Variants in SGMS2 observed in about 807,000 individuals in gnomAD.
SGMS2 encodes sphingomyelin synthase 2, also known as phosphatidylcholine:ceramide cholinephosphotransferase 2.
A neutral mutation model predicts 43.8 loss-of-function variants in SGMS2; 21 were observed. The observed-to-expected ratio is 0.48, with a 90% CI of 0.34 to 0.69. The LOEUF is 0.69. Among genes scored for constraint, SGMS2 ranks in the 30% least tolerant of loss-of-function variants. The pLI is 0.01. For missense variants in SGMS2, 384 were observed against 443.2 expected (o/e 0.87, Z 1.20); for synonymous variants, 167 against 160.6 (o/e 1.04, Z -0.30).
chr4:107,875,881 C>G (rs1160101234), intron 2 of SGMS2, among the ~76,000 whole-genome samples: 1 of 152,118 alleles, frequency 6.6e-6, no homozygotes, highest in East Asian at 1.9e-4. Context: ...AGACCCTGCT[C>G]TACCTTGAAG....
At chr4:107,877,143 A>G (rs184174419) in intron 2 of SGMS2, among the ~76,000 whole-genome samples, 5 of 152,246 alleles carry the variant, frequency 3.3e-5, no homozygotes, top group Admixed American at 6.5e-5. Flanking sequence ...TCTAAAAAAA[A>G]AAAATTATTT....
At chr4:107,902,083 T>C (rs886539927) in intron 4 of SGMS2, among the ~76,000 whole-genome samples, 3 of 150,166 alleles carry the variant, frequency 2.0e-5, no homozygotes, top group Non-Finnish European at 3.0e-5. Flanking sequence ...ATTTTGTTTT[T>C]TCCTTTTTTT....
chr4:107,896,063 G>A, intron 3 of SGMS2, 55 bp downstream of exon 3: 1 of 1,487,350 alleles, frequency 6.7e-7, no homozygotes, highest in Non-Finnish European at 9.2e-7. Flanking sequence ...TGAGTGAATA[G>A]ATGGGTTATT....
At chr4:107,899,771 T>C in intron 4 of SGMS2, 79 bp downstream of exon 4, 1 of 843,270 alleles carries the variant, frequency 1.2e-6, no homozygotes, top group Non-Finnish European at 1.8e-6. Context: ...TACATTCTTC[T>C]AGACACTTCC....
chr4:107,899,486 C>A, intron 3 of SGMS2, 89 bp from the exon 4 acceptor site: 2 of 897,134 alleles, frequency 2.2e-6, no homozygotes, highest in Non-Finnish European at 3.5e-6. Context: ...ACTGATTATT[C>A]TTTATCCTGT....
intron 2 of SGMS2, chr4:107,874,096 A>G (rs969983229): frequency 2.6e-5 from 4 of 152,188 alleles, no homozygotes; most frequent in Admixed American, 2.6e-4. Flanking sequence ...TATCTAAAAG[A>G]AATACAAAAT....
Position 107,825,206 on chromosome 4 carries a change from G to A in SGMS2, c.-374G>A, listed in dbSNP as rs1476243882. 6.5e-6 allele frequency: 1 copy of A among 152,754 alleles called. No homozygotes were observed. Among genetic ancestry groups the A allele is most frequent in the African/African-American group, 2.4e-5 (1 of 41,456 alleles). 9.5% of individuals were successfully genotyped at this position (152,754 alleles called of 1,614,324 possible). A position where few individuals can be genotyped will look rare whatever the true frequency, so the allele number is the denominator to read the frequency against. ...ATCCCCTGGCAAATCCCCTTCCCGG[G>A]AGCAAGTGCCTTCAGCTGGGAGTGT... On this transcript the variant is annotated 5_prime_UTR_variant, in exon 1 of 7. Transcript: ENST00000690982.
intron 1 of SGMS2, among the ~76,000 whole-genome samples, chr4:107,832,012 A>G (rs1388342404): frequency 2.0e-5 from 3 of 152,132 alleles, no homozygotes; most frequent in African/African-American, 7.2e-5. Flanking sequence ...ACTAAGAATC[A>G]CAAACCCTAC....
At chr4:107,842,966 A>G (rs774647994) in intron 1 of SGMS2, among the ~76,000 whole-genome samples, 2 of 152,172 alleles carry the variant, frequency 1.3e-5, no homozygotes, top group Non-Finnish European at 2.9e-5. Flanking sequence ...GAAAGGCAAT[A>G]TATGGTATTA....
At chr4:107,836,758 A>G (rs981450241) in intron 1 of SGMS2, among the ~76,000 whole-genome samples, 7 of 152,182 alleles carry the variant, frequency 4.6e-5, no homozygotes, top group Non-Finnish European at 1.0e-4. Context: ...TAAAATCTAG[A>G]TCAGAGAAAA....
intron 2 of SGMS2, among the ~76,000 whole-genome samples, chr4:107,880,878 G>GA (rs1029078448): frequency 1.3e-5 from 2 of 148,576 alleles, no homozygotes; most frequent in Non-Finnish European, 3.0e-5. Context: ...GAAAGAAAAA[G>GA]AAAAAAGAAA....
intron 5 of SGMS2, among the ~76,000 whole-genome samples, chr4:107,904,958 G>A (rs1212769472): frequency 6.6e-6 from 1 of 152,120 alleles, no homozygotes; most frequent in Non-Finnish European, 1.5e-5. Context: ...TACAGAAGAA[G>A]ATGGGGATGA....
At chr4:107,906,108 T>C (rs1731540659) in intron 5 of SGMS2, among the ~76,000 whole-genome samples, 2 of 152,268 alleles carry the variant, frequency 1.3e-5, no homozygotes, top group South Asian at 2.1e-4. Flanking sequence ...TTCTAAATTA[T>C]ACCATATGTT....
intron 2 of SGMS2, among the ~76,000 whole-genome samples, chr4:107,871,523 C>T (rs1239730596): frequency 6.6e-6 from 1 of 152,064 alleles, no homozygotes; most frequent in Non-Finnish European, 1.5e-5. Flanking sequence ...AGCCAGCTTT[C>T]TCTTCTGCCG....
At chr4:107,878,242 A>G (rs1355451306) in intron 2 of SGMS2, among the ~76,000 whole-genome samples, 2 of 152,072 alleles carry the variant, frequency 1.3e-5, no homozygotes, top group East Asian at 3.9e-4. Flanking sequence ...CTAAACACCG[A>G]AAACATCTAG....
At chr4:107,882,884 CTAT>C (rs1341953868) in intron 2 of SGMS2, among the ~76,000 whole-genome samples, 2 of 151,994 alleles carry the variant, frequency 1.3e-5, no homozygotes, top group African/African-American at 4.8e-5. Context: ...GTATAAACAT[CTAT>C]TATTCATTAT....
intron 1 of SGMS2, among the ~76,000 whole-genome samples, chr4:107,847,592 T>C (rs1240015842): frequency 6.6e-6 from 1 of 152,196 alleles, no homozygotes; most frequent in Non-Finnish European, 1.5e-5. Flanking sequence ...GACTTGGCGA[T>C]GCGGGCTGTT....
chr4:107,899,365 A>G (rs987055629), intron 3 of SGMS2, among the ~76,000 whole-genome samples: 6 of 152,160 alleles, frequency 3.9e-5, no homozygotes, highest in Non-Finnish European at 5.9e-5. Context: ...GTGAATCTTC[A>G]TTTCTGAAAA....
chr4:107,912,431 C>T lies in SGMS2; in HGVS notation c.*1878C>T, dbSNP rs1383595130. The T allele has an allele frequency of 6.6e-6, 1 of 152,062 alleles. No homozygotes were observed. Among genetic ancestry groups the T allele is most frequent in the Non-Finnish European group, 1.5e-5 (1 of 68,014 alleles). The allele number at this position is 152,062 out of a possible 1,614,324, so 9.4% of individuals were successfully genotyped here. Reference sequence around the variant, plus strand: ...TTTAGACATAATTCTATATAATGTTCGCTTATATTCATTTATTAACTAGCA... The same window carrying T: ...TTTAGACATAATTCTATATAATGTTTGCTTATATTCATTTATTAACTAGCA... On this transcript the variant is annotated 3_prime_UTR_variant, in exon 7 of 7. Coordinates refer to ENST00000690982, the MANE Select transcript of SGMS2 (RefSeq NM_001375905.1).
Sources: allele counts gnomAD v4.1 joint callset (sites outside exome capture counted in the v4.1 genomes callset), GRCh38; gene constraint gnomAD v4.1.1; transcripts MANE v1.5; gene names NCBI Gene and HGNC (gene_info 2026-07-23, HGNC 2026-07-21).